SHROOM3: variants seen among roughly 807,000 people sequenced by gnomAD.
SHROOM3 encodes shroom family member 3, also known as protein Shroom3.
In SHROOM3, 47 loss-of-function variants were observed where a neutral mutation model predicts 138.6. That is an observed-to-expected ratio of 0.34 (90% CI 0.27 to 0.43). SHROOM3 has a LOEUF of 0.43. Ranked by LOEUF, SHROOM3 falls within the 20% of genes least tolerant of loss-of-function variation. SHROOM3 has a pLI of 1.00. For synonymous variants in SHROOM3, 1,062 were observed against 1,063.3 expected (o/e 1.00, Z 0.02); for missense variants, 2,491 against 2,596.5 (o/e 0.96, Z 0.88).
intron 1 of SHROOM3, among the ~76,000 whole-genome samples, chr4:76,549,922 C>T (rs888217710): frequency 1.3e-4 from 20 of 152,160 alleles, no homozygotes; most frequent in Non-Finnish European, 2.9e-5. Flanking sequence ...CTTGGACCTA[C>T]TGGGACTCCA....
chr4:76,610,586 T>C (rs555592058), intron 2 of SHROOM3, among the ~76,000 whole-genome samples: 101 of 152,344 alleles, frequency 6.6e-4, no homozygotes, highest in African/African-American at 2.0e-3. Flanking sequence ...TCCACAAATC[T>C]TGATACACTC....
intron 2 of SHROOM3, among the ~76,000 whole-genome samples, chr4:76,560,283 G>A (rs370544453): frequency 4.1e-4 from 63 of 152,274 alleles, no homozygotes; most frequent in Middle Eastern, 6.8e-3. Context: ...TGGAAGTTGC[G>A]TTTAGTATAA....
rs1734610647 is a variant in SHROOM3, at chr4:76,606,005, ATATTTT to A, written c.323+50244_323+50249del. ...CACACACACACATATATATATATAT[ATATTTT>A]TTTTTTTTTTTTTTTTTTTCTGAGA... is the stretch of plus-strand genomic sequence containing the variant. On this transcript the variant is annotated intron_variant, in intron 2 of 10. Transcript: ENST00000296043. 7.8e-5 allele frequency among the ~76,000 whole-genome samples: 8 copies of A among 102,966 alleles called. No homozygotes were observed. In the East Asian group the frequency reaches 1.9e-3, roughly 24 times the overall value. 67.5% of individuals were successfully genotyped at this position (102,966 alleles called of 152,430 possible).
chr4:76,667,002 T>C (rs1204071963), intron 2 of SHROOM3, among the ~76,000 whole-genome samples: 1 of 152,224 alleles, frequency 6.6e-6, no homozygotes. Flanking sequence ...TAATTCCACT[T>C]ATACAAGTTA....
At position 76,749,342 on chromosome 4, in the gene SHROOM3, C is replaced by T. The variant is rs543261694; in HGVS notation, c.3827+252C>T. Among the ~76,000 whole-genome samples the T allele has an allele frequency of 3.3e-3, 503 of 152,256 alleles. 3 individuals carry two copies. The highest frequency in any genetic ancestry group is 0.012 in the African/African-American group (478 of 41,548). On this transcript the variant is annotated intron_variant, in intron 6 of 10. Coordinates refer to ENST00000296043, the MANE Select transcript of SHROOM3 (RefSeq NM_020859.4). ...TGTTGGTGTGCTGCACCCATTAACTCGTCATTTAGCATGGAGAACTTTTTA... is the reference window on the plus strand; with the variant it reads ...TGTTGGTGTGCTGCACCCATTAACTTGTCATTTAGCATGGAGAACTTTTTA...
At chr4:76,615,967 G>T (rs1314489900) in intron 2 of SHROOM3, among the ~76,000 whole-genome samples, 4 of 152,206 alleles carry the variant, frequency 2.6e-5, no homozygotes, top group Non-Finnish European at 5.9e-5. Flanking sequence ...CAGAGGGGTT[G>T]TGTCTGCCTT....
intron 4 of SHROOM3, among the ~76,000 whole-genome samples, chr4:76,737,083 T>C (rs975561942): frequency 5.3e-5 from 8 of 152,196 alleles, no homozygotes; most frequent in Non-Finnish European, 1.2e-4. Flanking sequence ...CCATTCCTCC[T>C]TGCATCGCCC....
chr4:76,469,029 A>G (rs1321143818), intron 1 of SHROOM3, among the ~76,000 whole-genome samples: 3 of 145,428 alleles, frequency 2.1e-5, no homozygotes, highest in Non-Finnish European at 3.0e-5. Flanking sequence ...GCGAGATTCC[A>G]TCTCCAAAAA....
At chr4:76,669,683 A>C (rs893614615) in intron 2 of SHROOM3, among the ~76,000 whole-genome samples, 1 of 152,242 alleles carries the variant, frequency 6.6e-6, no homozygotes, top group African/African-American at 2.4e-5. Context: ...AATTTAAAAA[A>C]AAAATAATAA....
chr4:76,628,679 T>C (rs1339394822), intron 2 of SHROOM3, among the ~76,000 whole-genome samples: 1 of 152,208 alleles, frequency 6.6e-6, no homozygotes, highest in Non-Finnish European at 1.5e-5. Context: ...AACTATTTTA[T>C]AAAAAGTAAT....
chr4:76,468,074 C>T (rs917279192), intron 1 of SHROOM3, among the ~76,000 whole-genome samples: 2 of 152,232 alleles, frequency 1.3e-5, no homozygotes, highest in African/African-American at 4.8e-5. Flanking sequence ...AGTTAAAAGA[C>T]AAGATTCAGC....
At chr4:76,548,048 G>C (rs1394569939) in intron 1 of SHROOM3, among the ~76,000 whole-genome samples, 1 of 148,734 alleles carries the variant, frequency 6.7e-6, no homozygotes, top group East Asian at 2.0e-4. Flanking sequence ...GCGGTAGCTA[G>C]GAAAGGCCCC....
chr4:76,542,591 G>A (rs996868398), intron 1 of SHROOM3, among the ~76,000 whole-genome samples: 13 of 152,204 alleles, frequency 8.5e-5, no homozygotes, highest in Admixed American at 2.6e-4. Context: ...GAAGATGAAA[G>A]AAGCCGTAAG....
chr4:76,498,001 T>C (rs1012155291), intron 1 of SHROOM3, among the ~76,000 whole-genome samples: 3 of 152,222 alleles, frequency 2.0e-5, no homozygotes, highest in Non-Finnish European at 4.4e-5. Context: ...TTGAGTATGA[T>C]GGGAAACCCC....
At chr4:76,495,155 G>A (rs528445336) in intron 1 of SHROOM3, among the ~76,000 whole-genome samples, 13 of 152,180 alleles carry the variant, frequency 8.5e-5, no homozygotes, top group Middle Eastern at 3.2e-3. Flanking sequence ...GAGGACTTCC[G>A]CAAAGAGAGA....
intron 2 of SHROOM3, among the ~76,000 whole-genome samples, chr4:76,680,575 A>G (rs1319520869): frequency 6.6e-6 from 1 of 152,200 alleles, no homozygotes; most frequent in Non-Finnish European, 1.5e-5. Flanking sequence ...ACTCACCCCC[A>G]TACATGTTAA....
In SHROOM3 at chr4:76,741,342, C is replaced by T. The variant is rs766551581; in HGVS notation, c.3169C>T (p.Arg1057Trp). ...TTTCCCGGAGAGCAGCGTGGCCGAC[C>T]GGCGCCGTCTCTTCGAGCGCGATGG... ...MRFPESSVAD[R>W]RRLFERDGKA... The change falls in exon 5 of 11, where the codon CGG (arginine) becomes TGG (tryptophan). Residue 1057 changes from arginine to tryptophan, a missense_variant. Coordinates refer to ENST00000296043, the MANE Select transcript of SHROOM3 (RefSeq NM_020859.4). The surrounding 1 kb of genome is among the most constrained non-coding windows in gnomAD (Gnocchi z 6.2). The T allele has an allele frequency of 2.5e-6, 4 of 1,610,468 alleles. No individual in the cohort carries two copies. The highest frequency in any genetic ancestry group is 2.2e-5 in the East Asian group (1 of 44,750).
Position 76,741,433 on chromosome 4 carries a change from C to T in SHROOM3, c.3260C>T (p.Ala1087Val), listed in dbSNP as rs745392335. ...ELKQFQQSAL[A>V]DYIQRKTGKR... ...AAGCAGTTCCAGCAGAGCGCCCTGG[C>T]GGACTACATCCAGCGCAAGACCGGC... Residue 1087 changes from alanine to valine, a missense_variant, in exon 5 of 11, where the codon GCG becomes GTG. Transcript: ENST00000296043. The surrounding 1 kb of genome is among the most constrained non-coding windows in gnomAD (Gnocchi z 6.2). 5.7e-6 allele frequency: 9 copies of T among 1,589,730 alleles called. 1 individual carries two copies. In the Admixed American group the frequency reaches 7.0e-5, roughly 12 times the overall value.
intron 2 of SHROOM3, among the ~76,000 whole-genome samples, chr4:76,600,597 C>CT (rs1258609027): frequency 6.6e-6 from 1 of 152,174 alleles, no homozygotes; most frequent in African/African-American, 2.4e-5. Flanking sequence ...TGTACTTCAA[C>CT]TTTCTTATCA....
Sources: allele counts gnomAD v4.1 joint callset (sites outside exome capture counted in the v4.1 genomes callset), GRCh38; gene constraint gnomAD v4.1.1; non-coding constraint Gnocchi (gnomAD v3.1); transcripts MANE v1.5; gene names NCBI Gene and HGNC (gene_info 2026-07-23, HGNC 2026-07-21).